Variants in DACH2 observed in about 807,000 individuals in gnomAD.
The protein encoded by DACH2 is dachshund homolog 2.
Under a neutral mutation model 35.8 loss-of-function variants are expected in DACH2, and 17 were observed. The ratio of observed to expected loss-of-function variants is 0.48; its 90% confidence interval spans 0.33 to 0.71. The LOEUF (loss-of-function observed/expected upper bound fraction) is 0.71. Among genes scored for constraint, DACH2 ranks in the 30% least tolerant of loss-of-function variants. DACH2 has a pLI of 0.02. For synonymous variants in DACH2, 195 were observed against 177.3 expected, an observed-to-expected ratio of 1.10 and a Z score of -0.79; for missense variants, 469 against 472.7, an observed-to-expected ratio of 0.99 and a Z score of 0.07.
intron 1 of DACH2, among the ~76,000 whole-genome samples, chrX:86,250,522 G>T (rs1234746235): frequency 9.0e-6 from 1 of 111,164 alleles, no homozygotes. Flanking sequence ...AAAAACAATT[G>T]TTAATAATAC....
intron 2 of DACH2, among the ~76,000 whole-genome samples, chrX:86,382,615 G>C (rs897208800): frequency 9.0e-6 from 1 of 110,631 alleles, no homozygotes; most frequent in Non-Finnish European, 1.9e-5. Flanking sequence ...ACTTATGGAA[G>C]GTGGCAGTTC....
At chrX:86,624,206 G>A (rs1189882349) in intron 3 of DACH2, among the ~76,000 whole-genome samples, 1 of 110,639 alleles carries the variant, frequency 9.0e-6, no homozygotes, top group Non-Finnish European at 1.9e-5. Context: ...GAAATTACTA[G>A]TAGCAGGATT....
intron 1 of DACH2, among the ~76,000 whole-genome samples, chrX:86,198,435 A>T (rs754388963): frequency 1.3e-4 from 14 of 111,854 alleles, no homozygotes; most frequent in Non-Finnish European, 2.3e-4. Context: ...AGCTGAACAG[A>T]AGGAGATTGG....
intron 6 of DACH2, among the ~76,000 whole-genome samples, chrX:86,733,270 T>C (rs1448152799): frequency 1.8e-5 from 2 of 111,537 alleles, no homozygotes; most frequent in Non-Finnish European, 3.8e-5. Context: ...CTATTATTAG[T>C]AATACAGACT....
chrX:86,694,879 A>T (rs2041048910), intron 4 of DACH2, 142 bp from the exon 5 acceptor site: 3 of 444,655 alleles, frequency 6.7e-6, no homozygotes, highest in South Asian at 1.3e-4. Context: ...AGTTTTTGAA[A>T]CTGTCATAAA....
chrX:86,760,671 C>T (rs983700782), intron 7 of DACH2, among the ~76,000 whole-genome samples: 10 of 111,030 alleles, frequency 9.0e-5, no homozygotes, highest in African/African-American at 2.6e-4. Flanking sequence ...TCTTTAATAT[C>T]GATATTTTAA....
At chrX:86,219,505 T>C (rs2032652957) in intron 1 of DACH2, among the ~76,000 whole-genome samples, 1 of 111,496 alleles carries the variant, frequency 9.0e-6, no homozygotes, top group Non-Finnish European at 1.9e-5. Context: ...TGTTCCCTTC[T>C]TTGTATGAAC....
chrX:86,368,530 G>A (rs1379885902), intron 1 of DACH2, among the ~76,000 whole-genome samples: 4 of 105,507 alleles, frequency 3.8e-5, no homozygotes, highest in Admixed American at 1.1e-4. Context: ...AAGAGCTTTC[G>A]TCAATAGTCA....
At chrX:86,575,606 T>G (rs780708588) in intron 3 of DACH2, among the ~76,000 whole-genome samples, 25 of 111,902 alleles carry the variant, frequency 2.2e-4, no homozygotes, top group African/African-American at 8.1e-4. Flanking sequence ...ATTAATTTTA[T>G]GCCTAAAAGA....
chrX:86,378,983 G>A (rs764459692), intron 2 of DACH2, among the ~76,000 whole-genome samples: 12 of 110,977 alleles, frequency 1.1e-4, no homozygotes, highest in Non-Finnish European at 1.7e-4. Context: ...CCTGTTATCA[G>A]TGAAATGCAG....
At chrX:86,384,914 A>G (rs747329864) in intron 2 of DACH2, among the ~76,000 whole-genome samples, 1 of 111,939 alleles carries the variant, frequency 8.9e-6, no homozygotes, top group Non-Finnish European at 1.9e-5. Context: ...ACGCTTTACA[A>G]TTAGGAGAGT....
chrX:86,455,936 C>G (rs1048323866), intron 2 of DACH2, among the ~76,000 whole-genome samples: 7 of 112,210 alleles, frequency 6.2e-5, no homozygotes, highest in Admixed American at 9.4e-5. Context: ...AGACTCCACA[C>G]AGCTTTTTGT....
chrX:86,530,373 G>A lies in DACH2; in HGVS notation c.640+15982G>A, dbSNP rs970062990. 2.2e-4 allele frequency among the ~76,000 whole-genome samples: 24 copies of A among 111,624 alleles called. 1 individual carries two copies. Among genetic ancestry groups the A allele is most frequent in the South Asian group, 3.8e-4 (1 of 2,656 alleles). ...TCTCAAACTGTAATCTTCATGTGTCGGAGGAGGAACCTGGTAGGAGATGAT... is the reference window on the plus strand; with the variant it reads ...TCTCAAACTGTAATCTTCATGTGTCAGAGGAGGAACCTGGTAGGAGATGAT... On this transcript the variant is annotated intron_variant, in intron 3 of 11. Transcript: ENST00000373125.
intron 7 of DACH2, among the ~76,000 whole-genome samples, chrX:86,806,932 C>T (rs2042350400): frequency 9.0e-6 from 1 of 111,656 alleles, no homozygotes; most frequent in Admixed American, 9.5e-5. Context: ...GGGTGAAGGG[C>T]TTTCTTTCCT....
At chrX:86,671,109 A>G (rs900527015) in intron 4 of DACH2, among the ~76,000 whole-genome samples, 2 of 112,202 alleles carry the variant, frequency 1.8e-5, no homozygotes, top group African/African-American at 6.5e-5. Context: ...AAAAGTCTGT[A>G]TGTCTTCTCT....
chrX:86,588,353 T>C (rs762097840), intron 3 of DACH2, among the ~76,000 whole-genome samples: 1 of 111,371 alleles, frequency 9.0e-6, no homozygotes, highest in South Asian at 3.7e-4. Context: ...CAGGCTCCTA[T>C]TGGGTTCAAT....
intron 7 of DACH2, among the ~76,000 whole-genome samples, chrX:86,780,108 A>G (rs1291701395): frequency 1.9e-5 from 2 of 108,091 alleles, no homozygotes; most frequent in African/African-American, 6.7e-5. Context: ...AAATGAAACC[A>G]GTTGACTGAA....
intron 1 of DACH2, among the ~76,000 whole-genome samples, chrX:86,223,081 C>G (rs185663097): frequency 1.1e-3 from 122 of 111,746 alleles, no homozygotes; most frequent in Non-Finnish European, 1.9e-3. Context: ...CTTCTGCTTA[C>G]AAAGTGAAGG....
chrX:86,697,638 C>T (rs759111296), intron 5 of DACH2, among the ~76,000 whole-genome samples: 5 of 109,081 alleles, frequency 4.6e-5, no homozygotes, highest in African/African-American at 1.0e-4. Flanking sequence ...ATGAAGAACA[C>T]GTGAGATAGC....
Sources: allele counts gnomAD v4.1 joint callset (sites outside exome capture counted in the v4.1 genomes callset), GRCh38; gene constraint gnomAD v4.1.1; transcripts MANE v1.5; gene names NCBI Gene and HGNC (gene_info 2026-07-23, HGNC 2026-07-21).